NRG1: variants seen among roughly 807,000 people sequenced by gnomAD.
The protein encoded by NRG1 is neuregulin 1.
A neutral mutation model predicts 63.8 loss-of-function variants in NRG1; 18 were observed. The observed-to-expected ratio is 0.28, with a 90% confidence interval of 0.19 to 0.42. The LOEUF (loss-of-function observed/expected upper bound fraction) is 0.42. NRG1 is among the 10% of genes least tolerant of loss of function. NRG1 has a pLI of 1.00. For synonymous variants in NRG1, 302 were observed against 301.3 expected (o/e 1.00, Z -0.02); for missense variants, 762 against 814.7 (o/e 0.94, Z 0.79).
chr8:31,919,060 A>G (rs982619524), intron 1 of NRG1, among the ~76,000 whole-genome samples: 1 of 151,928 alleles, frequency 6.6e-6, no homozygotes, highest in Non-Finnish European at 1.5e-5. Context: ...CCCCTTTATC[A>G]TTTTTTATTG....
intron 1 of NRG1, among the ~76,000 whole-genome samples, chr8:31,816,599 T>C (rs973896962): frequency 2.3e-4 from 35 of 152,220 alleles, no homozygotes; most frequent in Admixed American, 1.3e-4. Flanking sequence ...TATTTCTTTA[T>C]ATCCTCACTT....
intron 1 of NRG1, among the ~76,000 whole-genome samples, chr8:32,187,579 C>G (rs550361087): frequency 1.3e-5 from 2 of 152,250 alleles, no homozygotes; most frequent in East Asian, 3.9e-4. Flanking sequence ...GGAGACATGT[C>G]TGTGATTTGT....
At chr8:32,732,485 G>C (rs540183114) in intron 6 of NRG1, among the ~76,000 whole-genome samples, 2 of 152,076 alleles carry the variant, frequency 1.3e-5, no homozygotes, top group African/African-American at 4.8e-5. Context: ...TTGTCCAGTG[G>C]ACAGATGTGC....
intron 1 of NRG1, among the ~76,000 whole-genome samples, chr8:32,463,859 A>C (rs1487478616): frequency 1.4e-5 from 2 of 143,778 alleles, no homozygotes; most frequent in East Asian, 2.2e-4. Context: ...ACACACACGA[A>C]AAAAACTTAG....
intron 1 of NRG1, among the ~76,000 whole-genome samples, chr8:32,393,823 A>C (rs1469241595): frequency 6.6e-6 from 1 of 152,168 alleles, no homozygotes; most frequent in Non-Finnish European, 1.5e-5. Flanking sequence ...CTGTACAACA[A>C]ACCCCCATGG....
downstream of NRG1, among the ~76,000 whole-genome samples, chr8:32,772,149 T>G (rs1234261905): frequency 3.3e-5 from 5 of 150,502 alleles, no homozygotes; most frequent in African/African-American, 1.2e-4. Flanking sequence ...CAGATTAAAT[T>G]CTAAATGTGA....
At chr8:31,886,658 A>G (rs1485624187) in intron 1 of NRG1, among the ~76,000 whole-genome samples, 1 of 152,094 alleles carries the variant, frequency 6.6e-6, no homozygotes, top group Non-Finnish European at 1.5e-5. Flanking sequence ...GCTCTTAAGT[A>G]ATTTTTAAAG....
intron 1 of NRG1, among the ~76,000 whole-genome samples, chr8:31,776,992 T>C (rs1477208389): frequency 1.3e-5 from 2 of 152,176 alleles, no homozygotes; most frequent in East Asian, 3.9e-4. Flanking sequence ...GGTGTGGCAA[T>C]TCCTCAGGGA....
intron 1 of NRG1, among the ~76,000 whole-genome samples, chr8:31,936,584 C>T (rs1380776083): frequency 1.3e-5 from 2 of 152,172 alleles, no homozygotes; most frequent in Non-Finnish European, 2.9e-5. Flanking sequence ...ATAATTTCCA[C>T]CTCAGAAAAG....
chr8:32,134,212 G>A (rs1345135069), intron 1 of NRG1, among the ~76,000 whole-genome samples: 1 of 152,078 alleles, frequency 6.6e-6, no homozygotes, highest in Admixed American at 6.5e-5. Flanking sequence ...GAATGAAGCA[G>A]TTAATTTAAG....
chr8:31,825,422 T>G (rs934639454), intron 1 of NRG1, among the ~76,000 whole-genome samples: 5 of 152,132 alleles, frequency 3.3e-5, no homozygotes, highest in African/African-American at 1.2e-4. Context: ...CTTAAGTTTT[T>G]CTAGCTGCTA....
chr8:32,217,180 C>A (rs1378751595), intron 1 of NRG1, among the ~76,000 whole-genome samples: 1 of 143,476 alleles, frequency 7.0e-6, no homozygotes, highest in Non-Finnish European at 1.5e-5. Context: ...GCCACTGAAA[C>A]CCCAGCCTGG....
intron 1 of NRG1, among the ~76,000 whole-genome samples, chr8:31,994,279 A>G (rs1811554099): frequency 6.6e-6 from 1 of 151,938 alleles, no homozygotes; most frequent in Non-Finnish European, 1.5e-5. Context: ...GGGAATGAAT[A>G]TCAAGGACAC....
At chr8:32,026,397 A>G (rs1817384421) in intron 1 of NRG1, 1 of 152,086 alleles carries the variant, frequency 6.6e-6, no homozygotes, top group Non-Finnish European at 1.5e-5. Context: ...TTTTCCCCCA[A>G]GAAGGGCTTA....
At chr8:32,735,561 G>A (rs1190501208) in intron 6 of NRG1, among the ~76,000 whole-genome samples, 3 of 152,148 alleles carry the variant, frequency 2.0e-5, no homozygotes, top group Non-Finnish European at 2.9e-5. Flanking sequence ...GCTGTTTGAC[G>A]AGACAGGGAA....
chr8:32,723,796 G>A (rs1489193952), intron 5 of NRG1, among the ~76,000 whole-genome samples: 1 of 151,214 alleles, frequency 6.6e-6, no homozygotes, highest in African/African-American at 2.4e-5. Context: ...AGAAAGAAGG[G>A]AGGGAGGGGC....
At chr8:31,840,850 G>A (rs1826133586) in intron 1 of NRG1, among the ~76,000 whole-genome samples, 2 of 152,110 alleles carry the variant, frequency 1.3e-5, no homozygotes, top group South Asian at 2.1e-4. Context: ...GAACACTGCC[G>A]AGTCATTAGG....
At chr8:32,231,522 CTTTAG>C (rs1289102386) in intron 1 of NRG1, among the ~76,000 whole-genome samples, 1 of 152,010 alleles carries the variant, frequency 6.6e-6, no homozygotes, top group Non-Finnish European at 1.5e-5. Flanking sequence ...AAATTCCTTT[CTTTAG>C]TTTATATTGC....
chr8:32,382,912 AAAT>A (rs766131400), intron 1 of NRG1, among the ~76,000 whole-genome samples: 18 of 152,132 alleles, frequency 1.2e-4, no homozygotes, highest in Non-Finnish European at 2.4e-4. Flanking sequence ...TTTAAAATAA[AAAT>A]AATATGAAAA....
Sources: gnomAD v4.1 joint callset for allele counts (sites outside exome capture counted in the v4.1 genomes callset) on GRCh38, gnomAD v4.1.1 for gene constraint, MANE v1.5 for transcripts, NCBI Gene and HGNC (gene_info 2026-07-23, HGNC 2026-07-21) for gene names.